Variants in ABCB1 observed in about 807,000 individuals in gnomAD.
ABCB1 encodes the protein ATP binding cassette subfamily B member 1.
ABCB1 carries 69 observed loss-of-function variants against 142.0 expected under a neutral mutation model. The ratio of observed to expected loss-of-function variants is 0.49; its 90% CI spans 0.40 to 0.59. ABCB1 has a LOEUF of 0.59. Among genes scored for constraint, ABCB1 ranks in the 20% least tolerant of loss-of-function variants. ABCB1 has a pLI of 0.00. For missense variants in ABCB1, 1,326 were observed against 1,554.7 expected, an observed-to-expected ratio of 0.85 and a Z score of 2.47; for synonymous variants, 532 against 539.2, an observed-to-expected ratio of 0.99 and a Z score of 0.18.
chr7:87,668,872 T>G (rs1353247601), intron 1 of ABCB1, among the ~76,000 whole-genome samples: 1 of 152,196 alleles, frequency 6.6e-6, no homozygotes, highest in Non-Finnish European at 1.5e-5. Flanking sequence ...CTTTTACATT[T>G]GTTGAGGATT....
Position 87,531,218 on chromosome 7 carries a change from G to C in ABCB1, c.2685+76C>G, listed in dbSNP as rs1816040565. On this transcript the variant is annotated intron_variant, in intron 21 of 27. Transcript: ENST00000622132. ...ACACATTCTTAGAGCATAGTAAGCAGTAGGGAGTAACAAAATAACACTGAT... is the reference window on the plus strand; with the variant it reads ...ACACATTCTTAGAGCATAGTAAGCACTAGGGAGTAACAAAATAACACTGAT... The C allele has an allele frequency of 7.3e-6, 9 of 1,229,546 alleles. No homozygotes were observed. The South Asian group carries it at 9.6e-5, about 13-fold the overall frequency. The allele number at this position is 1,229,546 out of a possible 1,614,324, so 76.2% of individuals were successfully genotyped here. A position where few individuals can be genotyped will look rare whatever the true frequency, so the allele number is the denominator to read the frequency against.
intron 1 of ABCB1, chr7:87,651,011 C>T: frequency 4.7e-6 from 4 of 858,440 alleles, no homozygotes; most frequent in Non-Finnish European, 5.7e-6. Flanking sequence ...AGAAATCATA[C>T]AGTCTGTGTG....
chr7:87,505,815 C>A, intron 27 of ABCB1, 82 bp downstream of exon 27: 1 of 1,521,504 alleles, frequency 6.6e-7, no homozygotes, highest in Non-Finnish European at 9.1e-7. Context: ...AATCTGGCTG[C>A]ATTTTGTTCT....
chr7:87,548,580 A>G lies in ABCB1; in HGVS notation c.1725+768T>C, dbSNP rs188399273. Among the ~76,000 whole-genome samples the G allele has an allele frequency of 7.2e-5, 11 of 152,290 alleles. No homozygotes were observed. In the East Asian group the frequency reaches 1.9e-3, roughly 27 times the overall value. On this transcript the variant is annotated intron_variant, in intron 14 of 27. Transcript: ENST00000622132. The stretch of plus-strand genomic sequence containing the variant: ...AAGTGTTGTTTTATTAGAGACAGGG[A>G]GAGTTGAAACAAATATGAGTTCATC...
At chr7:87,587,376 C>A (rs1235765134) in intron 3 of ABCB1, among the ~76,000 whole-genome samples, 1 of 152,146 alleles carries the variant, frequency 6.6e-6, no homozygotes, top group Non-Finnish European at 1.5e-5. Context: ...TATTCAATGA[C>A]AGATAAAATC....
At chr7:87,560,403 T>C (rs554598544) in intron 8 of ABCB1, among the ~76,000 whole-genome samples, 1 of 152,296 alleles carries the variant, frequency 6.6e-6, no homozygotes, top group South Asian at 2.1e-4. Context: ...AATACTCATG[T>C]AAGTATACCT....
At chr7:87,619,351 C>T (rs764573980) in intron 1 of ABCB1, among the ~76,000 whole-genome samples, 2 of 151,986 alleles carry the variant, frequency 1.3e-5, no homozygotes, top group African/African-American at 2.4e-5. Flanking sequence ...CCAGCCTGGC[C>T]AACATGCCGA....
At chr7:87,585,822 T>A in intron 3 of ABCB1, 142 bp from the exon 4 acceptor site, 1 of 787,910 alleles carries the variant, frequency 1.3e-6, no homozygotes, top group Non-Finnish European at 2.0e-6. Flanking sequence ...ACCCTCTACC[T>A]TTGCTAAATT....
In ABCB1 at chr7:87,515,817, G is replaced by A. The variant is rs137933888; in HGVS notation, c.3085-389C>T. 8.3e-3 allele frequency among the ~76,000 whole-genome samples: 1,259 copies of A among 151,618 alleles called. 10 individuals are homozygous for A. The highest frequency in any genetic ancestry group is 0.014 in the Non-Finnish European group (945 of 67,908). ...TCACCATATTGGCCAAGCTGGTCTCGAACTCCTGACCTCACGTGATCCACC... is the reference window on the plus strand; with the variant it reads ...TCACCATATTGGCCAAGCTGGTCTCAAACTCCTGACCTCACGTGATCCACC... On this transcript the variant is annotated intron_variant, in intron 24 of 27. Transcript: ENST00000622132.
chr7:87,588,067 G>T (rs368337253), intron 3 of ABCB1, among the ~76,000 whole-genome samples: 2 of 151,694 alleles, frequency 1.3e-5, no homozygotes, highest in South Asian at 4.2e-4. Context: ...CTTAATCTTA[G>T]ACTAGAAGGA....
chr7:87,685,183 CAT>C (rs1223063448), intron 1 of ABCB1, among the ~76,000 whole-genome samples: 4 of 152,226 alleles, frequency 2.6e-5, no homozygotes. Flanking sequence ...TTGCAAATCA[CAT>C]GTTTGACAAA....
upstream of ABCB1, among the ~76,000 whole-genome samples, chr7:87,601,405 G>T (rs1405296286): frequency 6.6e-6 from 1 of 152,100 alleles, no homozygotes; most frequent in Non-Finnish European, 1.5e-5. Flanking sequence ...GAAAGAAAAA[G>T]GAAGTTTTAA....
intron 26 of ABCB1, 81 bp from the exon 27 acceptor site, chr7:87,506,124 G>A (rs112845413): frequency 2.9e-6 from 4 of 1,400,702 alleles, no homozygotes; most frequent in East Asian, 2.3e-5. Flanking sequence ...TAGGATAGAC[G>A]ATTCTATATA....
chr7:87,578,107 G>A (rs941762396), intron 4 of ABCB1, among the ~76,000 whole-genome samples: 2 of 152,174 alleles, frequency 1.3e-5, no homozygotes, highest in African/African-American at 4.8e-5. Context: ...TATGGTGAGA[G>A]AAAGGGATTT....
chr7:87,680,250 C>T (rs1826794407), intron 1 of ABCB1, among the ~76,000 whole-genome samples: 1 of 150,494 alleles, frequency 6.6e-6, no homozygotes, highest in South Asian at 2.1e-4. Context: ...TGTGTATGTG[C>T]CACATTTTCT....
chr7:87,638,830 T>C (rs1434827062), intron 1 of ABCB1, among the ~76,000 whole-genome samples: 1 of 152,176 alleles, frequency 6.6e-6, no homozygotes, highest in African/African-American at 2.4e-5. Context: ...CTTTGTTAAT[T>C]TTCTCTGTCG....
At chr7:87,592,962 CTG>C (rs1563067293) in intron 3 of ABCB1, among the ~76,000 whole-genome samples, 1 of 147,798 alleles carries the variant, frequency 6.8e-6, no homozygotes, top group African/African-American at 2.5e-5. Context: ...GTGTCTCACT[CTG>C]TCACCCAGGC....
chr7:87,650,903 T>A, intron 1 of ABCB1: 1 of 1,612,468 alleles, frequency 6.2e-7, no homozygotes, highest in Non-Finnish European at 8.5e-7. Flanking sequence ...ATTTTGCAGC[T>A]ATTTTGGAAC....
intron 4 of ABCB1, among the ~76,000 whole-genome samples, chr7:87,572,155 G>C (rs139984833): frequency 1.8e-3 from 267 of 150,042 alleles, no homozygotes; most frequent in African/African-American, 5.9e-3. Flanking sequence ...TCTTGGGAAA[G>C]CTTACATTAT....
Sources: gnomAD v4.1 joint callset for allele counts (sites outside exome capture counted in the v4.1 genomes callset) on GRCh38, gnomAD v4.1.1 for gene constraint, MANE v1.5 for transcripts, NCBI Gene and HGNC (gene_info 2026-07-23, HGNC 2026-07-21) for gene names.